PHF20: variants seen among roughly 807,000 people sequenced by gnomAD.
The protein encoded by PHF20 is PHD finger protein 20.
A neutral mutation model predicts 113.5 loss-of-function variants in PHF20; 23 were observed. The observed-to-expected ratio is 0.20, with a 90% CI of 0.15 to 0.29. PHF20 has a LOEUF of 0.29. Among genes scored for constraint, PHF20 ranks in the 10% least tolerant of loss-of-function variants. PHF20 has a pLI of 1.00. For missense variants in PHF20, 943 were observed against 1,219.6 expected, an observed-to-expected ratio of 0.77 and a Z score of 3.38; for synonymous variants, 434 against 457.3, an observed-to-expected ratio of 0.95 and a Z score of 0.65.
intron 12 of PHF20, among the ~76,000 whole-genome samples, chr20:35,916,117 A>G (rs1435128709): frequency 6.6e-6 from 1 of 152,218 alleles, no homozygotes; most frequent in Non-Finnish European, 1.5e-5. Context: ...GGGAGAAAGA[A>G]TGAGACCCTG....
Position 35,801,534 on chromosome 20 carries a change from T to G in PHF20, c.12T>G (p.His4Gln), listed in dbSNP as rs200722349. The change falls in exon 2 of 18, where the codon CAT (histidine) becomes CAG (glutamine). Residue 4 changes from histidine (H) to glutamine (Q), a missense_variant. Around this residue, in one of 3 missense-constraint regions of PHF20, gnomAD observed 592 missense variants for 787.2 expected, o/e 0.75. Transcript: ENST00000374012. ...GTTGATGACTGAAAATGACAAAGCA[T>G]CCACCTAACAGACGAGGAATCAGCT... MTK[H>Q]PPNRRGISFE... 2 of 1,613,324 alleles carry G rather than the reference T, an allele frequency of 1.2e-6. No homozygotes were observed. The highest frequency in any genetic ancestry group is 4.5e-5 in the East Asian group (2 of 44,876).
intron 2 of PHF20, among the ~76,000 whole-genome samples, chr20:35,803,618 C>G (rs1025783039): frequency 1.3e-5 from 2 of 151,556 alleles, no homozygotes; most frequent in Non-Finnish European, 2.9e-5. Flanking sequence ...AGCCACCAAG[C>G]CTGCCTGTTT....
At chr20:35,809,265 A>G (rs2041936236) in intron 2 of PHF20, among the ~76,000 whole-genome samples, 1 of 151,314 alleles carries the variant, frequency 6.6e-6, no homozygotes, top group African/African-American at 2.4e-5. Context: ...AAAAAAAACA[A>G]AGTTTCAACT....
At chr20:35,823,486 T>C (rs181586361) in intron 2 of PHF20, among the ~76,000 whole-genome samples, 58 of 142,146 alleles carry the variant, frequency 4.1e-4, no homozygotes, top group Middle Eastern at 3.7e-3. Context: ...TAGCTGGGTG[T>C]GGTGGTGTGT....
rs578033165 is a variant in PHF20, at chr20:35,931,457, C to A, written c.2300+13C>A. Reference sequence around the variant, plus strand: ...TGAGCATCTTGCAGTAAGTGTGGCACCTGCAGTGCTGGGAGCAGTCTGTTT... The same window carrying A: ...TGAGCATCTTGCAGTAAGTGTGGCAACTGCAGTGCTGGGAGCAGTCTGTTT... On this transcript the variant is annotated intron_variant, in intron 15 of 17. Transcript: ENST00000374012. 2.5e-6 allele frequency: 4 copies of A among 1,600,274 alleles called. No individual in the cohort carries two copies. The highest frequency in any genetic ancestry group is 3.4e-6 in the Non-Finnish European group (4 of 1,170,124).
intron 7 of PHF20, among the ~76,000 whole-genome samples, chr20:35,870,709 G>A (rs1022189672): frequency 3.9e-5 from 6 of 151,916 alleles, no homozygotes; most frequent in South Asian, 2.1e-4. Context: ...TCAAGATTCG[G>A]ACATGACCTA....
chr20:35,839,243 T>C (rs1431463475), intron 2 of PHF20, among the ~76,000 whole-genome samples: 4 of 151,464 alleles, frequency 2.6e-5, no homozygotes, highest in African/African-American at 9.7e-5. Context: ...ACAAAAAAAT[T>C]AGCCGGGCGT....
rs577336726 is a variant in PHF20, at chr20:35,787,367, C to T, written c.-32-14124C>T. Among the ~76,000 whole-genome samples the T allele has an allele frequency of 7.3e-5, 11 of 150,818 alleles. 1 individual carries two copies. The South Asian group carries it at 1.7e-3, about 23-fold the overall frequency. On this transcript the variant is annotated intron_variant, in intron 1 of 17. Transcript: ENST00000374012. ...GTTAATTTTGTATTTTTAGTCTAGA[C>T]GAGGTTTCACCATGTTGGTCAGGCT...
At chr20:35,903,254 A>C (rs2055138311) in intron 10 of PHF20, among the ~76,000 whole-genome samples, 1 of 152,008 alleles carries the variant, frequency 6.6e-6, no homozygotes, top group African/African-American at 2.4e-5. Flanking sequence ...TTTTAAAAAT[A>C]AGGCCTGCTG....
intron 17 of PHF20, among the ~76,000 whole-genome samples, chr20:35,942,173 C>T (rs112579095): frequency 0.097 from 14,722 of 151,830 alleles, 828 homozygotes; most frequent in South Asian, 0.21. Flanking sequence ...GAGGCTGAGG[C>T]GGGAGGACTG....
chr20:35,845,849 C>T (rs1251151496), intron 3 of PHF20, among the ~76,000 whole-genome samples: 2 of 149,092 alleles, frequency 1.3e-5, no homozygotes, highest in Non-Finnish European at 3.0e-5. Flanking sequence ...ATGATCTTGA[C>T]TCACTGCAAC....
rs371413168 is a variant in PHF20, at chr20:35,909,396, A to G, written c.1562-3853A>G. Among the ~76,000 whole-genome samples the G allele has an allele frequency of 4.7e-4, 71 of 152,192 alleles. 1 individual carries two copies. The Middle Eastern group carries it at 0.017, about 36-fold the overall frequency. On this transcript the variant is annotated intron_variant, in intron 10 of 17. Transcript: ENST00000374012. ...AATGTGCCTGGAACATAGTATATGCATGGTATCTGTTGCCTAAATGAATTG... is the reference window on the plus strand; with the variant it reads ...AATGTGCCTGGAACATAGTATATGCGTGGTATCTGTTGCCTAAATGAATTG...
intron 9 of PHF20, among the ~76,000 whole-genome samples, chr20:35,884,940 C>T (rs2054699710): frequency 6.6e-6 from 1 of 152,184 alleles, no homozygotes; most frequent in Non-Finnish European, 1.5e-5. Context: ...AAGCAATTCT[C>T]CTGTCTCTGC....
intron 1 of PHF20, among the ~76,000 whole-genome samples, chr20:35,786,742 G>GT (rs1237204528): frequency 2.0e-5 from 3 of 152,154 alleles, no homozygotes; most frequent in African/African-American, 7.2e-5. Context: ...CTCAGAGAGT[G>GT]TAGAGTATTG....
intron 2 of PHF20, 178 bp downstream of exon 2, chr20:35,801,783 CCT>C (rs764735103): frequency 2.5e-5 from 13 of 526,764 alleles, no homozygotes; most frequent in Non-Finnish European, 4.1e-5. Flanking sequence ...GGGTGACTGT[CCT>C]GTAACCCCCT....
At chr20:35,865,353 T>C (rs1303326945) in intron 6 of PHF20, among the ~76,000 whole-genome samples, 3 of 151,784 alleles carry the variant, frequency 2.0e-5, no homozygotes, top group African/African-American at 7.3e-5. Flanking sequence ...ATGAAAAAAT[T>C]GGCTGAGAGT....
chr20:35,821,496 C>CAAA (rs145842439), intron 2 of PHF20, among the ~76,000 whole-genome samples: 3 of 78,118 alleles, frequency 3.8e-5, no homozygotes, highest in South Asian at 4.0e-4. Context: ...ACCAAAAATA[C>CAAA]AAAAAAAAAA....
intron 9 of PHF20, chr20:35,878,695 A>G: frequency 1.3e-6 from 1 of 777,576 alleles, no homozygotes. Context: ...CTGTTGTTAT[A>G]TCATGTATCG....
intron 2 of PHF20, among the ~76,000 whole-genome samples, chr20:35,840,646 G>A (rs576180783): frequency 8.3e-4 from 127 of 152,220 alleles, no homozygotes; most frequent in Non-Finnish European, 1.5e-3. Flanking sequence ...CTGGCTTATT[G>A]CAGACCAGCA....
Sources: gnomAD v4.1 joint callset for allele counts (sites outside exome capture counted in the v4.1 genomes callset) on GRCh38, gnomAD v4.1.1 for gene constraint, gnomAD v4.1.1 regional missense constraint, MANE v1.5 for transcripts, NCBI Gene and HGNC (gene_info 2026-07-23, HGNC 2026-07-21) for gene names.